The following TMEM236 variants were observed in gnomAD, a reference collection of about 807,000 sequenced individuals.
The protein encoded by TMEM236 is family with sequence similarity 23, member A.
A neutral mutation model predicts 14.7 loss-of-function variants in TMEM236; 11 were observed. That is an observed-to-expected ratio of 0.75 (90% confidence interval 0.47 to 1.24). The LOEUF (loss-of-function observed/expected upper bound fraction) is 1.24. Ranked by LOEUF, TMEM236 falls within the 50% of genes most tolerant of loss-of-function variation. The pLI is 0.00. For missense variants in TMEM236, 464 were observed against 427.3 expected (o/e 1.09, Z -0.76); for synonymous variants, 182 against 168.6 (o/e 1.08, Z -0.62).
intron 2 of TMEM236, among the ~76,000 whole-genome samples, chr10:17,775,784 T>C (rs1203014046): frequency 6.6e-6 from 1 of 152,226 alleles, no homozygotes; most frequent in Non-Finnish European, 1.5e-5. Flanking sequence ...TACTGTTTTT[T>C]GCATGTATTT....
intron 1 of TMEM236, among the ~76,000 whole-genome samples, chr10:17,752,753 G>GA (rs1332510645): frequency 6.6e-6 from 1 of 151,986 alleles, no homozygotes; most frequent in Non-Finnish European, 1.5e-5. Flanking sequence ...TTTTAGTAGA[G>GA]ACGGGTTTTT....
chr10:17,752,417 G>C lies in TMEM236; in HGVS notation c.122G>C (p.Arg41Thr). 2.5e-6 allele frequency: 4 copies of C among 1,613,932 alleles called. No homozygotes were observed. The South Asian group carries it at 4.4e-5, about 18-fold the overall frequency. The change falls in exon 1 of 4, where the codon AGA (arginine) becomes ACA (threonine). Residue 41 changes from arginine to threonine, a missense_variant. Transcript: ENST00000377495. ...FATAYQGTRARSDNTHYWLII... is the reference protein window; with the variant it reads ...FATAYQGTRATSDNTHYWLII... ...ACCGCCTACCAAGGAACAAGGGCTA[G>C]ATCTGACAACACACACTACTGGCTG...
intron 2 of TMEM236, among the ~76,000 whole-genome samples, chr10:17,773,288 T>C (rs1837604294): frequency 1.3e-5 from 2 of 152,192 alleles, no homozygotes; most frequent in African/African-American, 4.8e-5. Context: ...CTATAGCATC[T>C]CTATAGAACT....
In TMEM236 at chr10:17,796,686, A is replaced by AGTTT; in HGVS notation, c.*182_*183insGTTT. ...TTTTTACATATACAAATGGTGCTAA[A>AGTTT]TTTAAGTAAAGTAATATTCTTATAA... On this transcript the variant is annotated 3_prime_UTR_variant, in exon 4 of 4. Coordinates refer to ENST00000377495, the MANE Select transcript of TMEM236 (RefSeq NM_001098844.3). 1.6e-6 allele frequency: 1 copy of AGTTT among 613,752 alleles called. No homozygotes were observed. 38.0% of individuals were successfully genotyped at this position (613,752 alleles called of 1,614,324 possible).
At chr10:17,770,159 C>T (rs1430911742) in intron 1 of TMEM236, among the ~76,000 whole-genome samples, 1 of 152,132 alleles carries the variant, frequency 6.6e-6, no homozygotes, top group African/African-American at 2.4e-5. Flanking sequence ...CTGCGAAGGA[C>T]ATGATTTCAT....
intron 1 of TMEM236, among the ~76,000 whole-genome samples, chr10:17,762,455 A>G (rs1248386333): frequency 6.6e-6 from 1 of 151,412 alleles, no homozygotes; most frequent in Non-Finnish European, 1.5e-5. Context: ...CACCTATTTC[A>G]TAACAGAGTG....
intron 1 of TMEM236, among the ~76,000 whole-genome samples, chr10:17,755,408 T>A (rs1352455710): frequency 6.6e-6 from 1 of 152,162 alleles, no homozygotes; most frequent in Non-Finnish European, 1.5e-5. Flanking sequence ...GATGGAGAGC[T>A]GACATGTGAA....
At chr10:17,783,272 T>C (rs1458594403) in intron 3 of TMEM236, among the ~76,000 whole-genome samples, 1 of 152,098 alleles carries the variant, frequency 6.6e-6, no homozygotes, top group African/African-American at 2.4e-5. Context: ...AGGCTGGGAA[T>C]GTCGAGGGGC....
Position 17,784,332 on chromosome 10 carries a change from G to A in TMEM236, c.472+8162G>A, listed in dbSNP as rs895426587. Among the ~76,000 whole-genome samples the A allele has an allele frequency of 2.0e-5, 3 of 152,134 alleles. No individual in the cohort carries two copies. The East Asian group carries it at 5.8e-4, about 29-fold the overall frequency. ...GAGCTGGCAAAGTTTTTAGACTTCTGATTCTATTGTATTTCTTCTGGTGTT... is the reference window on the plus strand; with the variant it reads ...GAGCTGGCAAAGTTTTTAGACTTCTAATTCTATTGTATTTCTTCTGGTGTT... On this transcript the variant is annotated intron_variant, in intron 3 of 3. Coordinates refer to ENST00000377495, the MANE Select transcript of TMEM236 (RefSeq NM_001098844.3).
At chr10:17,764,192 A>C (rs1171324328) in intron 1 of TMEM236, among the ~76,000 whole-genome samples, 1 of 152,194 alleles carries the variant, frequency 6.6e-6, no homozygotes. Context: ...TCCACCCACC[A>C]TGCTTCCTCT....
chr10:17,761,961 C>G (rs1185386526), intron 1 of TMEM236, among the ~76,000 whole-genome samples: 1 of 152,118 alleles, frequency 6.6e-6, no homozygotes, highest in East Asian at 1.9e-4. Context: ...CTATATAGCT[C>G]TCTTTCTCAT....
chr10:17,766,013 C>G (rs1217709254), intron 1 of TMEM236, among the ~76,000 whole-genome samples: 1 of 152,224 alleles, frequency 6.6e-6, no homozygotes, highest in Non-Finnish European at 1.5e-5. Context: ...AGCAGTATTT[C>G]TGCTGAGATG....
At chr10:17,772,528 G>A (rs1030205339) in intron 2 of TMEM236, among the ~76,000 whole-genome samples, 2 of 152,168 alleles carry the variant, frequency 1.3e-5, no homozygotes, top group African/African-American at 2.4e-5. Context: ...TCTGGAGCTC[G>A]ATAGCCCTTT....
chr10:17,771,101 T>C (rs1293174101), intron 1 of TMEM236, among the ~76,000 whole-genome samples: 1 of 152,244 alleles, frequency 6.6e-6, no homozygotes, highest in Non-Finnish European at 1.5e-5. Context: ...TGGAAATCTC[T>C]CACCCCTTTG....
At chr10:17,766,307 C>G (rs1837462824) in intron 1 of TMEM236, among the ~76,000 whole-genome samples, 1 of 152,192 alleles carries the variant, frequency 6.6e-6, no homozygotes, top group African/African-American at 2.4e-5. Context: ...GAGCACGGTA[C>G]AGCCAAATTT....
At chr10:17,771,159 T>C (rs1186451980) in intron 1 of TMEM236, 150 bp from the exon 2 acceptor site, 2 of 730,688 alleles carry the variant, frequency 2.7e-6, no homozygotes, top group East Asian at 5.2e-5. Context: ...CTTTGCCATA[T>C]GCAAACATTT....
intron 2 of TMEM236, among the ~76,000 whole-genome samples, chr10:17,774,782 T>C (rs1837631858): frequency 6.9e-6 from 1 of 145,678 alleles, no homozygotes; most frequent in African/African-American, 2.5e-5. Context: ...CCTCCCTCCC[T>C]CCTTCCCTAC....
At chr10:17,763,049 T>C (rs576199008) in intron 1 of TMEM236, among the ~76,000 whole-genome samples, 2,339 of 152,244 alleles carry the variant, frequency 0.015, 61 homozygotes, top group African/African-American at 0.053. Flanking sequence ...TCAGGGACTC[T>C]GTAGTCCACT....
intron 1 of TMEM236, among the ~76,000 whole-genome samples, chr10:17,767,157 A>G (rs1837480499): frequency 6.6e-6 from 1 of 152,128 alleles, no homozygotes; most frequent in African/African-American, 2.4e-5. Context: ...GACCCATAAT[A>G]CTCAACAAAT....
Sources: gnomAD v4.1 joint callset for allele counts (sites outside exome capture counted in the v4.1 genomes callset) on GRCh38, gnomAD v4.1.1 for gene constraint, MANE v1.5 for transcripts, NCBI Gene and HGNC (gene_info 2026-07-23, HGNC 2026-07-21) for gene names.